The following SMAD4 variants were observed in gnomAD, a reference collection of about 807,000 sequenced individuals.
SMAD4 encodes the protein SMAD family member 4.
Under a neutral mutation model 63.2 loss-of-function variants are expected in SMAD4, and 7 were observed. That is an observed-to-expected ratio of 0.11 (90% CI 0.06 to 0.21). The LOEUF is 0.21. SMAD4 is among the 10% of genes least tolerant of loss of function. SMAD4 has a pLI of 1.00. For synonymous variants in SMAD4, 215 were observed against 235.4 expected (o/e 0.91, Z 0.79); for missense variants, 312 against 693.8 (o/e 0.45, Z 6.18).
rs950869282 is a variant in SMAD4 at position 51,084,535 on chromosome 18, G to A, written c.*6068G>A. The A allele has an allele frequency of 8.7e-6, 2 of 229,054 alleles. No individual in the cohort carries two copies. The highest frequency in any genetic ancestry group is 1.7e-5 in the Non-Finnish European group (2 of 115,496). The allele number at this position is 229,054 out of a possible 1,614,324, so 14.2% of individuals were successfully genotyped here. On this transcript the variant is annotated 3_prime_UTR_variant, in exon 12 of 12. Transcript: ENST00000342988. ...TGGGGGGTTGGGGAGTCCTGGTAGA[G>A]GCCAGCTTTGTGGTAGCTGGAGAGG...
intron 7 of SMAD4, 93 bp from the exon 8 acceptor site, chr18:51,059,773 A>G (rs947641704): frequency 9.8e-6 from 9 of 923,024 alleles, no homozygotes; most frequent in East Asian, 5.1e-5. Context: ...TTCCTAACCT[A>G]TAATAGTTAT....
At chr18:51,041,326 A>G (rs554183091) in intron 1 of SMAD4, among the ~76,000 whole-genome samples, 1 of 152,290 alleles carries the variant, frequency 6.6e-6, no homozygotes, top group South Asian at 2.1e-4. Context: ...CATTAATACT[A>G]TTCTACCAAT....
At chr18:51,078,120 T>A in intron 11 of SMAD4, 136 bp from the exon 12 acceptor site, 2 of 766,420 alleles carry the variant, frequency 2.6e-6, no homozygotes, top group Non-Finnish European at 4.6e-6. Context: ...CTGTTACTTC[T>A]TGGCACTTTA....
rs1387626514 is a variant in SMAD4 at position 51,079,557 on chromosome 18, A to ATTGTTTAAAATTCAGTTT, written c.*1095_*1112dup. ...ATGTTTAAATCATGTATGTTATGAT[A>ATTGTTTAAAATTCAGTTT]TTGTTTAAAATTCAGTTTTTGTATC... On this transcript the variant is annotated 3_prime_UTR_variant, in exon 12 of 12. Coordinates refer to ENST00000342988, the MANE Select transcript of SMAD4 (RefSeq NM_005359.6). The ATTGTTTAAAATTCAGTTT allele has an allele frequency of 4.3e-6, 1 of 233,296 alleles. No homozygotes were observed. The highest frequency in any genetic ancestry group is 6.1e-5 in the East Asian group (1 of 16,484). 14.5% of individuals were successfully genotyped at this position (233,296 alleles called of 1,614,324 possible).
rs374687785 is a variant in SMAD4 at position 51,058,259 on chromosome 18, T to C, written c.787+15T>C. On this transcript the variant is annotated intron_variant, in intron 6 of 11. Transcript: ENST00000342988. The stretch of plus-strand genomic sequence containing the variant: ...TTACCATCATAGTATGTACATACTT[T>C]AAAAAATCTTTTAAATAGTTGAGAA... 25 of 1,611,062 alleles carry C rather than the reference T, an allele frequency of 1.6e-5. No individual in the cohort carries two copies. The African/African-American group carries it at 2.8e-4, about 18-fold the overall frequency.
intron 8 of SMAD4, 77 bp downstream of exon 8, chr18:51,059,993 A>C: frequency 9.3e-7 from 1 of 1,071,518 alleles, no homozygotes; most frequent in East Asian, 2.4e-5. Flanking sequence ...ACAGGCTTTA[A>C]TGGAATTATG....
At chr18:51,078,173 G>A in intron 11 of SMAD4, 83 bp from the exon 12 acceptor site, 1 of 1,126,804 alleles carries the variant, frequency 8.9e-7, no homozygotes, top group African/African-American at 1.5e-5. Flanking sequence ...ACAGAAAGCT[G>A]GTCACTTGAT....
At position 51,046,943 on chromosome 18, in the gene SMAD4, A is replaced by C. The variant is rs767842443; in HGVS notation, c.-104A>C. On this transcript the variant is annotated 5_prime_UTR_variant, in exon 2 of 12. Transcript: ENST00000342988. ...AGGTTATCCTGAATACATGTCTAAC[A>C]ATTTTCCTTGCAACGTTAGCTGTTG... The C allele has an allele frequency of 1.9e-6, 2 of 1,028,054 alleles. No homozygotes were observed. The highest frequency in any genetic ancestry group is 3.9e-5 in the Admixed American group (2 of 51,610). 63.7% of individuals were successfully genotyped at this position (1,028,054 alleles called of 1,614,324 possible). A position where few individuals can be genotyped will look rare whatever the true frequency, so the allele number is the denominator to read the frequency against.
intron 10 of SMAD4, among the ~76,000 whole-genome samples, chr18:51,073,382 TATATATACAC>T (rs1343843456): frequency 5.2e-4 from 46 of 88,100 alleles, no homozygotes; most frequent in African/African-American, 1.6e-3. Context: ...TATATATATA[TATATATACAC>T]ACACACACAC....
In SMAD4 at chr18:51,080,319, C is replaced by A. The variant is rs182092812; in HGVS notation, c.*1852C>A. Reference sequence around the variant, plus strand: ...ACTTATCTACCACCTCATTTGTACTCTTGATTACTTACAAATTCTTTCAGT... The same window carrying A: ...ACTTATCTACCACCTCATTTGTACTATTGATTACTTACAAATTCTTTCAGT... On this transcript the variant is annotated 3_prime_UTR_variant, in exon 12 of 12. Transcript: ENST00000342988. The A allele has an allele frequency of 1.8e-3, 411 of 232,018 alleles. 3 individuals carry two copies. Among genetic ancestry groups the A allele is most frequent in the African/African-American group, 8.7e-3 (395 of 45,414 alleles). The allele number at this position is 232,018 out of a possible 1,614,324, so 14.4% of individuals were successfully genotyped here.
intron 6 of SMAD4, 44 bp from the exon 7 acceptor site, chr18:51,058,296 G>A (rs1369753347): frequency 3.7e-6 from 6 of 1,610,822 alleles, no homozygotes; most frequent in Non-Finnish European, 5.1e-6. Context: ...AAAGTAGGCA[G>A]CCTTTATAAA....
chr18:51,068,725 C>G (rs770900854), intron 10 of SMAD4, among the ~76,000 whole-genome samples: 1 of 148,766 alleles, frequency 6.7e-6, no homozygotes, highest in African/African-American at 2.5e-5. Context: ...TCAAGACCAA[C>G]GTAAGCCACA....
At chr18:51,078,213 G>GATC in intron 11 of SMAD4, 43 bp from the exon 12 acceptor site, 2 of 1,483,622 alleles carry the variant, frequency 1.3e-6, no homozygotes, top group South Asian at 1.1e-5. Flanking sequence ...GATGGGAAGA[G>GATC]ATCACCCTGT....
At chr18:51,035,992 TTATC>T (rs1909192533) in intron 1 of SMAD4, among the ~76,000 whole-genome samples, 1 of 152,156 alleles carries the variant, frequency 6.6e-6, no homozygotes, top group Non-Finnish European at 1.5e-5. Flanking sequence ...ACTGCTTTAT[TTATC>T]TATTTTTTAG....
chr18:51,073,388 TACACACACACACACACACACAC>T (rs201632233), intron 10 of SMAD4, among the ~76,000 whole-genome samples: 5 of 64,186 alleles, frequency 7.8e-5, no homozygotes, highest in Non-Finnish European at 1.1e-4. Flanking sequence ...TATATATATA[TACACACACACACACACACACAC>T]ACACACACAC....
chr18:51,047,652 A>G (rs946362371), intron 2 of SMAD4, among the ~76,000 whole-genome samples: 14 of 150,582 alleles, frequency 9.3e-5, no homozygotes, highest in African/African-American at 3.4e-4. Context: ...TCTGTCACCC[A>G]GGCTGGAGTA....
chr18:51,034,244 CT>C (rs1331134919), intron 1 of SMAD4, among the ~76,000 whole-genome samples: 1 of 134,426 alleles, frequency 7.4e-6, no homozygotes, highest in Non-Finnish European at 1.6e-5. Context: ...TCTTTTTCTT[CT>C]TTTTCTTTTT....
chr18:51,073,827 G>A (rs1273101041), intron 10 of SMAD4, among the ~76,000 whole-genome samples: 1 of 151,892 alleles, frequency 6.6e-6, no homozygotes, highest in Non-Finnish European at 1.5e-5. Context: ...CACTGTGCCT[G>A]GCCAAGAGAA....
At chr18:51,065,794 A>G (rs892915499) in intron 9 of SMAD4, among the ~76,000 whole-genome samples, 188 bp downstream of exon 9, 2 of 152,338 alleles carry the variant, frequency 1.3e-5, no homozygotes, top group Non-Finnish European at 2.9e-5. Context: ...GTTGTTTAAC[A>G]TATAATGATA....
Sources: allele counts gnomAD v4.1 joint callset (sites outside exome capture counted in the v4.1 genomes callset), GRCh38; gene constraint gnomAD v4.1.1; transcripts MANE v1.5; gene names NCBI Gene and HGNC (gene_info 2026-07-23, HGNC 2026-07-21).